Variants in KYNU observed in about 807,000 individuals in gnomAD.
The protein encoded by KYNU is L-kynurenine hydrolase.
A neutral mutation model predicts 59.2 loss-of-function variants in KYNU; 54 were observed. The observed-to-expected ratio is 0.91, with a 90% CI of 0.73 to 1.14. KYNU has a LOEUF of 1.14. KYNU is among the 50% of genes most tolerant of loss of function. The pLI is 0.00. For synonymous variants in KYNU, 177 were observed against 192.0 expected (o/e 0.92, Z 0.65); for missense variants, 567 against 554.4 (o/e 1.02, Z -0.23).
At chr2:142,934,411 G>A (rs956448134) in intron 4 of KYNU, among the ~76,000 whole-genome samples, 5 of 152,140 alleles carry the variant, frequency 3.3e-5, no homozygotes, top group African/African-American at 4.8e-5. Flanking sequence ...GGGTTGGTGC[G>A]TTGGGTACTA....
At chr2:142,968,962 CA>C (rs1684629793) in intron 8 of KYNU, among the ~76,000 whole-genome samples, 1 of 152,024 alleles carries the variant, frequency 6.6e-6, no homozygotes, top group African/African-American at 2.4e-5. Flanking sequence ...TGATACAGTT[CA>C]AAAGATGAAG....
At chr2:142,940,292 A>G (rs922817741) in intron 4 of KYNU, among the ~76,000 whole-genome samples, 1 of 152,232 alleles carries the variant, frequency 6.6e-6, no homozygotes, top group Admixed American at 6.5e-5. Flanking sequence ...CTTTCAGAAC[A>G]TAAACTGCAT....
At chr2:142,922,035 A>G (rs78737734) in intron 3 of KYNU, among the ~76,000 whole-genome samples, 4 of 152,002 alleles carry the variant, frequency 2.6e-5, no homozygotes, top group Non-Finnish European at 4.4e-5. Context: ...GCCTCCCTCT[A>G]TGCCACTTCT....
intron 10 of KYNU, among the ~76,000 whole-genome samples, chr2:143,018,219 C>T (rs1323918827): frequency 6.6e-6 from 1 of 152,148 alleles, no homozygotes; most frequent in East Asian, 1.9e-4. Context: ...TTTGCCAAAG[C>T]TGATATCCAG....
chr2:143,041,966 T>C, intron 13 of KYNU, 81 bp from the exon 14 acceptor site: 1 of 1,429,748 alleles, frequency 7.0e-7, no homozygotes, highest in Non-Finnish European at 9.8e-7. Context: ...ATGAAAGTGC[T>C]TTACATAAGT....
At chr2:142,934,761 G>A (rs901211464) in intron 4 of KYNU, among the ~76,000 whole-genome samples, 1 of 152,228 alleles carries the variant, frequency 6.6e-6, no homozygotes, top group African/African-American at 2.4e-5. Context: ...CAGTGGCAAG[G>A]CCGATGAGAT....
intron 10 of KYNU, among the ~76,000 whole-genome samples, chr2:142,999,844 G>C (rs1234227120): frequency 6.6e-6 from 1 of 151,990 alleles, no homozygotes; most frequent in East Asian, 1.9e-4. Context: ...TCATCTTCTT[G>C]TTATAGTAAT....
At chr2:143,033,630 T>C (rs2104918749) in intron 12 of KYNU, among the ~76,000 whole-genome samples, 1 of 152,340 alleles carries the variant, frequency 6.6e-6, no homozygotes, top group African/African-American at 2.4e-5. Context: ...ATAAGTTATT[T>C]AACCTTCTCT....
intron 2 of KYNU, among the ~76,000 whole-genome samples, chr2:142,901,024 G>A (rs1682062696): frequency 6.7e-6 from 1 of 149,504 alleles, no homozygotes; most frequent in African/African-American, 2.5e-5. Flanking sequence ...CTGCAGTCTG[G>A]CCTTGGCGAA....
chr2:143,014,086 C>G (rs13025176), intron 10 of KYNU, among the ~76,000 whole-genome samples: 12,416 of 152,252 alleles, frequency 0.082, 718 homozygotes, highest in East Asian at 0.21. Flanking sequence ...GAGGTGCTAT[C>G]ACACACAGGT....
rs546802908 is a variant in KYNU, at chr2:143,005,517, A to G, written c.902+19496A>G. ...AGGAGTGAGAACTTGACGAAAAAAT[A>G]AGAAGAAAGGCTCAGTCATATGTCA... On this transcript the variant is annotated intron_variant, in intron 10 of 13. Coordinates refer to ENST00000264170, the MANE Select transcript of KYNU (RefSeq NM_003937.3). 9.2e-5 allele frequency among the ~76,000 whole-genome samples: 14 copies of G among 152,302 alleles called. 1 individual carries two copies. In the South Asian group the frequency reaches 2.9e-3, roughly 32 times the overall value.
chr2:143,014,498 A>G (rs1340500004), intron 10 of KYNU, among the ~76,000 whole-genome samples: 2 of 152,240 alleles, frequency 1.3e-5, no homozygotes, highest in South Asian at 4.1e-4. Flanking sequence ...ATTTGAGATC[A>G]AACATGTCTA....
chr2:142,907,715 T>G (rs1200820259), intron 2 of KYNU, among the ~76,000 whole-genome samples: 1 of 152,264 alleles, frequency 6.6e-6, no homozygotes, highest in Non-Finnish European at 1.5e-5. Flanking sequence ...GATATATGAT[T>G]TGACTATTTC....
At chr2:143,015,305 T>G (rs1265720407) in intron 10 of KYNU, among the ~76,000 whole-genome samples, 1 of 152,122 alleles carries the variant, frequency 6.6e-6, no homozygotes, top group Non-Finnish European at 1.5e-5. Flanking sequence ...AGTTCAATAC[T>G]AAAAGTAAAA....
At chr2:143,036,254 C>T (rs1263711405) in intron 12 of KYNU, among the ~76,000 whole-genome samples, 3 of 152,076 alleles carry the variant, frequency 2.0e-5, no homozygotes, top group African/African-American at 7.2e-5. Context: ...AGAGGATACA[C>T]TCGCCAGCAG....
chr2:142,893,114 A>T (rs1319452843), intron 2 of KYNU, among the ~76,000 whole-genome samples: 3 of 152,244 alleles, frequency 2.0e-5, no homozygotes, highest in Admixed American at 1.3e-4. Flanking sequence ...AATGAAATGC[A>T]TGTAGGGTAC....
chr2:142,984,514 A>G (rs896341861), intron 8 of KYNU, among the ~76,000 whole-genome samples: 1 of 152,090 alleles, frequency 6.6e-6, no homozygotes, highest in African/African-American at 2.4e-5. Context: ...ATGGTTGTCC[A>G]TGATATAAAA....
intron 8 of KYNU, among the ~76,000 whole-genome samples, chr2:142,979,527 T>A (rs894441654): frequency 2.6e-5 from 4 of 152,126 alleles, no homozygotes; most frequent in African/African-American, 9.6e-5. Context: ...GATCAAAATC[T>A]GAGCTTGCTA....
At chr2:142,922,159 C>T (rs1682903963) in intron 3 of KYNU, among the ~76,000 whole-genome samples, 1 of 152,116 alleles carries the variant, frequency 6.6e-6, no homozygotes, top group Non-Finnish European at 1.5e-5. Flanking sequence ...TTAAATACTA[C>T]AATGCACATT....
Sources: allele counts gnomAD v4.1 joint callset (sites outside exome capture counted in the v4.1 genomes callset), GRCh38; gene constraint gnomAD v4.1.1; transcripts MANE v1.5; gene names NCBI Gene and HGNC (gene_info 2026-07-23, HGNC 2026-07-21).